YAF2: variants seen among roughly 807,000 people sequenced by gnomAD.
YAF2 encodes the protein YY1-associated factor 2.
In YAF2, 7 loss-of-function variants were observed where a neutral mutation model predicts 20.1. That is an observed-to-expected ratio of 0.35 (90% CI 0.20 to 0.65). The LOEUF is 0.65. YAF2 is among the 30% of genes least tolerant of loss of function. YAF2 has a pLI of 0.69. For synonymous variants in YAF2, 74 were observed against 76.0 expected, an observed-to-expected ratio of 0.97 and a Z score of 0.14; for missense variants, 151 against 219.2, an observed-to-expected ratio of 0.69 and a Z score of 1.96.
At chr12:42,206,856 T>C (rs11181378) in intron 2 of YAF2, among the ~76,000 whole-genome samples, 53,433 of 151,726 alleles carry the variant, frequency 0.35, 9,712 homozygotes, top group South Asian at 0.48. Context: ...TTTAAAACAC[T>C]TTCTCCTCAT....
chr12:42,237,581 G>T lies in YAF2; in HGVS notation c.152+18C>A, dbSNP rs1252490021. The T allele has an allele frequency of 4.6e-6, 7 of 1,507,050 alleles. No homozygotes were observed. Among genetic ancestry groups the T allele is most frequent in the Non-Finnish European group, 6.2e-6 (7 of 1,126,950 alleles). 93.4% of individuals were successfully genotyped at this position (1,507,050 alleles called of 1,614,324 possible). On this transcript the variant is annotated intron_variant, in intron 2 of 3. Transcript: ENST00000534854. ...CACCCCGCCGGCCGGCGGCGCGAGG[G>T]GCAGGCCCGGGACTCACCGGGTGGA...
At chr12:42,237,849 C>T in intron 1 of YAF2, 125 bp from the exon 2 acceptor site, 29 of 866,686 alleles carry the variant, frequency 3.3e-5, no homozygotes, top group Non-Finnish European at 4.0e-5. Context: ...CCCCGCGGGC[C>T]CTCGGCGCGC....
At chr12:42,208,208 A>T (rs926358742) in intron 2 of YAF2, among the ~76,000 whole-genome samples, 1 of 152,274 alleles carries the variant, frequency 6.6e-6, no homozygotes, top group East Asian at 1.9e-4. Flanking sequence ...CGGGCAGATC[A>T]CTTGAGGTCA....
chr12:42,177,648 A>T (rs1285084416), intron 2 of YAF2, among the ~76,000 whole-genome samples: 1 of 152,182 alleles, frequency 6.6e-6, no homozygotes, highest in Admixed American at 6.5e-5. Context: ...GAGAGATGCA[A>T]CTGAGTCCAC....
At position 42,160,426 on chromosome 12, in the gene YAF2, T is replaced by C; in HGVS notation, c.*163A>G. On this transcript the variant is annotated 3_prime_UTR_variant, in exon 4 of 4. Transcript: ENST00000534854. ...TCTGGAAATGTTTGGTAGGCATCATTGCAATAAAATCTAACAAATTCTAAC... is the reference window on the plus strand; with the variant it reads ...TCTGGAAATGTTTGGTAGGCATCATCGCAATAAAATCTAACAAATTCTAAC... The C allele has an allele frequency of 1.6e-6, 1 of 613,380 alleles. No homozygotes were observed. Among genetic ancestry groups the C allele is most frequent in the Non-Finnish European group, 2.8e-6 (1 of 357,294 alleles). 38.0% of individuals were successfully genotyped at this position (613,380 alleles called of 1,614,324 possible).
intron 2 of YAF2, among the ~76,000 whole-genome samples, chr12:42,183,113 G>A (rs1385798616): frequency 6.6e-6 from 1 of 152,084 alleles, no homozygotes; most frequent in Admixed American, 6.5e-5. Flanking sequence ...GTTTTGAGGA[G>A]CCAAGGCCCA....
At chr12:42,176,875 G>T (rs1479538990) in intron 2 of YAF2, among the ~76,000 whole-genome samples, 1 of 152,176 alleles carries the variant, frequency 6.6e-6, no homozygotes, top group East Asian at 1.9e-4. Flanking sequence ...GCTAAGGCAG[G>T]AGAATCGCTT....
At chr12:42,170,845 CATT>C (rs2066028893) in intron 2 of YAF2, among the ~76,000 whole-genome samples, 1 of 152,086 alleles carries the variant, frequency 6.6e-6, no homozygotes, top group Non-Finnish European at 1.5e-5. Flanking sequence ...CCAATAGTAT[CATT>C]ATTACCCATA....
chr12:42,171,828 C>T (rs1022065212), intron 2 of YAF2, among the ~76,000 whole-genome samples: 22 of 150,074 alleles, frequency 1.5e-4, no homozygotes, highest in Non-Finnish European at 3.0e-5. Flanking sequence ...GCCAGGTGTA[C>T]TGGTGCGTGC....
Position 42,159,208 on chromosome 12 carries a change from G to GT in YAF2, c.*1380dup, listed in dbSNP as rs1284374680. ...AATATCACAACTGTTAGGGTCTACA[G>GT]TTTTATTTTTTCTTCAAATGTTATC... On this transcript the variant is annotated 3_prime_UTR_variant, in exon 4 of 4. Transcript: ENST00000534854. The GT allele has an allele frequency of 6.6e-6, 1 of 152,004 alleles. No individual in the cohort carries two copies. The highest frequency in any genetic ancestry group is 6.6e-5 in the Admixed American group (1 of 15,264). The allele number at this position is 152,004 out of a possible 1,614,324, so 9.4% of individuals were successfully genotyped here. A position where few individuals can be genotyped will look rare whatever the true frequency, so the allele number is the denominator to read the frequency against.
chr12:42,185,434 C>T (rs1864206740), intron 2 of YAF2, among the ~76,000 whole-genome samples: 1 of 152,158 alleles, frequency 6.6e-6, no homozygotes, highest in Admixed American at 6.5e-5. Flanking sequence ...CTTGAGAGGA[C>T]TGGCTTAAAT....
Position 42,191,945 on chromosome 12 carries a change from C to T in YAF2, c.153-30180G>A, listed in dbSNP as rs186827558. Among the ~76,000 whole-genome samples, 111 of 151,778 alleles carry T rather than the reference C, an allele frequency of 7.3e-4. 1 individual carries two copies. Among genetic ancestry groups the T allele is most frequent in the Admixed American group, 1.9e-3 (29 of 15,248 alleles). ...TCTCTACTAAAAATACAAAAATTAG[C>T]CAGACGTGCTCACTTGAACCCAGGA... On this transcript the variant is annotated intron_variant, in intron 2 of 3. Transcript: ENST00000534854.
intron 2 of YAF2, among the ~76,000 whole-genome samples, chr12:42,213,072 G>A (rs1023718921): frequency 3.3e-5 from 5 of 152,126 alleles, no homozygotes; most frequent in African/African-American, 7.2e-5. Flanking sequence ...AGCCAGGCAC[G>A]GTGGCTCAAG....
At chr12:42,164,753 C>A (rs1376409583) in intron 2 of YAF2, among the ~76,000 whole-genome samples, 9 of 151,752 alleles carry the variant, frequency 5.9e-5, no homozygotes, top group Non-Finnish European at 1.0e-4. Context: ...AAAAATCTAA[C>A]CTAGGAAAGA....
chr12:42,237,763 A>AC (rs1418384028), intron 1 of YAF2, 39 bp from the exon 2 acceptor site: 3 of 1,412,174 alleles, frequency 2.1e-6, no homozygotes, highest in Admixed American at 2.9e-5. Context: ...GCGCGGGGTC[A>AC]CCAGCAGGCC....
intron 2 of YAF2, among the ~76,000 whole-genome samples, chr12:42,205,601 C>T (rs1305196288): frequency 6.6e-6 from 1 of 152,166 alleles, no homozygotes; most frequent in Non-Finnish European, 1.5e-5. Flanking sequence ...TCTTGAACTC[C>T]TGACCTCATG....
intron 2 of YAF2, among the ~76,000 whole-genome samples, chr12:42,201,867 C>A (rs906122797): frequency 6.6e-5 from 10 of 152,154 alleles, no homozygotes; most frequent in Non-Finnish European, 1.5e-5. Context: ...GTTACCACAC[C>A]CAGCCTGATG....
intron 2 of YAF2, among the ~76,000 whole-genome samples, chr12:42,162,076 C>A (rs1208117648): frequency 2.0e-5 from 3 of 151,844 alleles, no homozygotes; most frequent in Admixed American, 2.0e-4. Context: ...TGGGATGTAC[C>A]CATATAAACA....
chr12:42,231,668 G>C (rs1480069320), intron 2 of YAF2: 1 of 152,162 alleles, frequency 6.6e-6, no homozygotes, highest in Non-Finnish European at 1.5e-5. Context: ...TGTTTGCTGA[G>C]TTATGCGTAG....
Sources: gnomAD v4.1 joint callset for allele counts (sites outside exome capture counted in the v4.1 genomes callset) on GRCh38, gnomAD v4.1.1 for gene constraint, MANE v1.5 for transcripts, NCBI Gene and HGNC (gene_info 2026-07-23, HGNC 2026-07-21) for gene names.